DLX5: variants seen among roughly 807,000 people sequenced by gnomAD.
DLX5 encodes distal-less homeobox 5.
Under a neutral mutation model 27.1 loss-of-function variants are expected in DLX5, and 8 were observed. The ratio of observed to expected loss-of-function variants is 0.30; its 90% CI spans 0.17 to 0.53. The LOEUF is 0.53. DLX5 is among the 20% of genes least tolerant of loss of function. The pLI is 0.95. For synonymous variants in DLX5, 178 were observed against 161.9 expected (o/e 1.10, Z -0.75); for missense variants, 339 against 375.1 (o/e 0.90, Z 0.80).
chr7:97,020,818 G>A lies in DLX5; in HGVS notation c.788C>T (p.Ala263Val), dbSNP rs1389940522. Residue 263 changes from alanine (A) to valine (V), a missense_variant, in exon 3 of 3, where the codon GCA (alanine) becomes GTA (valine). Around this residue, in one of 3 missense-constraint regions of DLX5, gnomAD observed 136 missense variants for 130.3 expected, o/e 1.04. Coordinates refer to ENST00000648378, the MANE Select transcript of DLX5 (RefSeq NM_005221.6). ...LENSASWYTSAASSINSHLPP... is the reference protein window; with the variant it reads ...LENSASWYTSVASSINSHLPP... ...CAGGTGGGAATTGATTGAGCTGGCT[G>A]CACTTGTGTACCAGGATGCAGAGTT... The A allele has an allele frequency of 1.2e-6, 2 of 1,613,590 alleles. No homozygotes were observed. Among genetic ancestry groups the A allele is most frequent in the Non-Finnish European group, 8.5e-7 (1 of 1,179,728 alleles).
Position 97,020,690 on chromosome 7 carries a change from C to G in DLX5, c.*46G>C. The G allele has an allele frequency of 6.8e-7, 1 of 1,473,030 alleles. No homozygotes were observed. The highest frequency in any genetic ancestry group is 9.1e-7 in the Non-Finnish European group (1 of 1,104,022). 91.2% of individuals were successfully genotyped at this position (1,473,030 alleles called of 1,614,324 possible). On this transcript the variant is annotated 3_prime_UTR_variant, in exon 3 of 3. Coordinates refer to ENST00000648378, the MANE Select transcript of DLX5 (RefSeq NM_005221.6). ...CTTTCTTTATGATTTTCTAGAACAG[C>G]AAAACACAGTAGTCCCAAAAAAGAG...
intron 2 of DLX5, among the ~76,000 whole-genome samples, chr7:97,021,280 G>A (rs909279067): frequency 5.9e-5 from 9 of 152,192 alleles, no homozygotes; most frequent in Non-Finnish European, 1.0e-4. Context: ...GGGGCGCCCC[G>A]GCCCAGCGAG....
At position 97,021,162 on chromosome 7, in the gene DLX5, C is replaced by T. The variant is rs1790047914; in HGVS notation, c.541-97G>A. 1.2e-5 allele frequency: 14 copies of T among 1,171,018 alleles called. 1 individual carries two copies. In the South Asian group the frequency reaches 2.1e-4, roughly 17 times the overall value. 72.5% of individuals were successfully genotyped at this position (1,171,018 alleles called of 1,614,324 possible). On this transcript the variant is annotated intron_variant, in intron 2 of 2. Coordinates refer to ENST00000648378, the MANE Select transcript of DLX5 (RefSeq NM_005221.6). The stretch of plus-strand genomic sequence containing the variant: ...CTGGAGGCATCTTCGGACCTCTGGG[C>T]GGCCCAGCCCTGCCTGGCGTCTCCC...
At chr7:97,023,104 C>G (rs537065787) in intron 1 of DLX5, among the ~76,000 whole-genome samples, 1 of 151,528 alleles carries the variant, frequency 6.6e-6, no homozygotes, top group East Asian at 1.9e-4. Flanking sequence ...CACCTCAACC[C>G]GGGGCTCTCT....
Position 97,024,202 on chromosome 7 carries a change from A to AC in DLX5, c.355+66dup. ...GAACCGCTGTGACCCCCAATCTACCACCCCATCTCGCGCCCCCAGCGTCCT... is the reference window on the plus strand; with the variant it reads ...GAACCGCTGTGACCCCCAATCTACCACCCCCATCTCGCGCCCCCAGCGTCCT... On this transcript the variant is annotated intron_variant, in intron 1 of 2. Transcript: ENST00000648378. This position sits in a 1 kb window ranked among gnomAD's most constrained non-coding sequence, Gnocchi z 4.6. The AC allele has an allele frequency of 6.8e-7, 1 of 1,471,100 alleles. No homozygotes were observed. Among genetic ancestry groups the AC allele is most frequent in the Non-Finnish European group, 9.2e-7 (1 of 1,089,716 alleles). 91.1% of individuals were successfully genotyped at this position (1,471,100 alleles called of 1,614,324 possible).
rs1238609355 is a variant in DLX5 at position 97,020,787 on chromosome 7, C to A, written c.819G>T (p.Pro273=). 23 of 1,610,526 alleles carry A rather than the reference C, an allele frequency of 1.4e-5. No homozygotes were observed. The highest frequency in any genetic ancestry group is 1.8e-5 in the Non-Finnish European group (21 of 1,177,350). The change falls in exon 3 of 3, where the codon CCG becomes CCT. Residue 273 remains proline, a synonymous_variant. Coordinates refer to ENST00000648378, the MANE Select transcript of DLX5 (RefSeq NM_005221.6). Reference sequence around the variant, plus strand: ...CCAGCGGGTGCTGTAAGGAGCCCGGCGGCGGCAGGTGGGAATTGATTGAGC... The same window carrying A: ...CCAGCGGGTGCTGTAAGGAGCCCGGAGGCGGCAGGTGGGAATTGATTGAGC... ...AASSINSHLP[P]PGSLQHPLAL... is the part of the protein sequence containing the mutation.
At position 97,024,535 on chromosome 7, in the gene DLX5, G is replaced by C. The variant is rs1351019836; in HGVS notation, c.89C>G (p.Pro30Arg). ...GGGCAAAGTTGGCGATTCCTGAGAC[G>C]GATGGTGCATAGCTGCGGACGTCTG... ...PFQTSAAMHH[P>R]SQESPTLPES... Residue 30 changes from proline (P) to arginine (R), a missense_variant, in exon 1 of 3, where the codon CCG (proline) becomes CGG (arginine). Physicochemically the swap from Pro to Arg is moderately radical, Grantham distance 103. Transcript: ENST00000648378. The surrounding 1 kb of genome is among the most constrained non-coding windows in gnomAD (Gnocchi z 4.6). The C allele has an allele frequency of 6.2e-7, 1 of 1,614,112 alleles. No homozygotes were observed. Among genetic ancestry groups the C allele is most frequent in the Non-Finnish European group, 8.5e-7 (1 of 1,180,046 alleles).
At chr7:97,023,353 T>C (rs988407099) in intron 1 of DLX5, among the ~76,000 whole-genome samples, 3 of 151,490 alleles carry the variant, frequency 2.0e-5, no homozygotes, top group African/African-American at 7.3e-5. Flanking sequence ...TGTGTGTGTG[T>C]GTGTGTGTGT....
intron 2 of DLX5, 37 bp from the exon 3 acceptor site, chr7:97,021,102 C>T (rs1344399609): frequency 1.0e-5 from 16 of 1,554,972 alleles, no homozygotes; most frequent in Non-Finnish European, 1.4e-5. Flanking sequence ...TACCGGGACA[C>T]TCAGAGGTCG....
In DLX5 at chr7:97,021,899, C is replaced by A. The variant is rs979894980; in HGVS notation, c.540+286G>T. ...CTAGGCCGCCCTAGAAATAACCCTC[C>A]GCTTGCTTTCAACCCGCGAAATTGG... On this transcript the variant is annotated intron_variant, in intron 2 of 2. Transcript: ENST00000648378. 1.7e-5 allele frequency: 10 copies of A among 599,196 alleles called. No homozygotes were observed. The Admixed American group carries it at 2.7e-4, about 16-fold the overall frequency. 37.1% of individuals were successfully genotyped at this position (599,196 alleles called of 1,614,324 possible).
chr7:97,024,787 G>A lies in DLX5; in HGVS notation c.-164C>T, dbSNP rs987388979. On this transcript the variant is annotated 5_prime_UTR_variant, in exon 1 of 3. Transcript: ENST00000648378. The surrounding 1 kb of genome is among the most constrained non-coding windows in gnomAD (Gnocchi z 4.6). Reference sequence around the variant, plus strand: ...AGGAGGCGGCGGCCGCGGCGAGGAGGAGACTGGGAGTCGTGAAGTCTCTGT... The same window carrying A: ...AGGAGGCGGCGGCCGCGGCGAGGAGAAGACTGGGAGTCGTGAAGTCTCTGT... The A allele has an allele frequency of 5.8e-5, 36 of 625,032 alleles. No homozygotes were observed. In the South Asian group the frequency reaches 7.6e-4, roughly 13 times the overall value. The allele number at this position is 625,032 out of a possible 1,614,324, so 38.7% of individuals were successfully genotyped here. A position where few individuals can be genotyped will look rare whatever the true frequency, so the allele number is the denominator to read the frequency against.
At chr7:97,021,334 G>A (rs933960682) in intron 2 of DLX5, among the ~76,000 whole-genome samples, 4 of 152,210 alleles carry the variant, frequency 2.6e-5, no homozygotes, top group African/African-American at 9.6e-5. Flanking sequence ...TGGGGGTGGG[G>A]GACGCCAGCG....
chr7:97,020,693 AAC>A lies in DLX5; in HGVS notation c.*41_*42del, dbSNP rs765748732. ...TCTTTATGATTTTCTAGAACAGCAA[AAC>A]ACAGTAGTCCCAAAAAAGAGAGTAA... On this transcript the variant is annotated 3_prime_UTR_variant, in exon 3 of 3. Coordinates refer to ENST00000648378, the MANE Select transcript of DLX5 (RefSeq NM_005221.6). 5 of 1,483,120 alleles carry A rather than the reference AAC, an allele frequency of 3.4e-6. No individual in the cohort carries two copies. Among genetic ancestry groups the A allele is most frequent in the African/African-American group, 1.4e-5 (1 of 71,234 alleles). The allele number at this position is 1,483,120 out of a possible 1,614,324, so 91.9% of individuals were successfully genotyped here.
chr7:97,022,465 C>A, intron 1 of DLX5, 96 bp from the exon 2 acceptor site: 1 of 1,563,898 alleles, frequency 6.4e-7, no homozygotes, highest in Non-Finnish European at 8.6e-7. Context: ...TCTTACCACT[C>A]AGTCTTCATT....
In DLX5 at chr7:97,024,609, A is replaced by G. The variant is rs1790144515; in HGVS notation, c.15T>C (p.Phe5=). Residue 5 remains phenylalanine (F), a synonymous_variant, in exon 1 of 3, where the codon TTT becomes TTC. Transcript: ENST00000648378. The surrounding 1 kb of genome is among the most constrained non-coding windows in gnomAD (Gnocchi z 4.6). The part of the protein sequence containing the change: MTGV[F]DRRVPSIRSG... ...ATCGGATGCTGGGGACCCTTCTGTC[A>G]AACACTCCTGTCATCGCTCACGGGC... The G allele has an allele frequency of 6.2e-7, 1 of 1,600,146 alleles. No homozygotes were observed. Among genetic ancestry groups the G allele is most frequent in the African/African-American group, 1.3e-5 (1 of 74,666 alleles).
intron 2 of DLX5, among the ~76,000 whole-genome samples, chr7:97,021,615 C>T (rs1319672051): frequency 1.3e-5 from 2 of 152,168 alleles, no homozygotes; most frequent in Non-Finnish European, 2.9e-5. Context: ...TCCGTAGGCC[C>T]CAGCTGGGTT....
Position 97,024,772 on chromosome 7 carries a change from G to C in DLX5, c.-149C>G, listed in dbSNP as rs1790148511. The C allele has an allele frequency of 1.4e-6, 1 of 697,072 alleles. No individual in the cohort carries two copies. Among genetic ancestry groups the C allele is most frequent in the Non-Finnish European group, 2.3e-6 (1 of 426,290 alleles). 43.2% of individuals were successfully genotyped at this position (697,072 alleles called of 1,614,324 possible). ...GAGGAGGAGAGAAGGAGGAGGCGGC[G>C]GCCGCGGCGAGGAGGAGACTGGGAG... On this transcript the variant is annotated 5_prime_UTR_variant, in exon 1 of 3. Coordinates refer to ENST00000648378, the MANE Select transcript of DLX5 (RefSeq NM_005221.6). This position sits in a 1 kb window ranked among gnomAD's most constrained non-coding sequence, Gnocchi z 4.6.
In DLX5 at chr7:97,022,215, C is replaced by T. The variant is rs1327634647; in HGVS notation, c.510G>A (p.Leu170=). 6.2e-7 allele frequency: 1 copy of T among 1,614,242 alleles called. No individual in the cohort carries two copies. Among genetic ancestry groups the T allele is most frequent in the Non-Finnish European group, 8.5e-7 (1 of 1,180,056 alleles). ...TTTGTGTCAATCCCAGCGAGGCGGCCAGCTCGGCGCGTTCCGGCAAGGCGA... is the reference window on the plus strand; with the variant it reads ...TTTGTGTCAATCCCAGCGAGGCGGCTAGCTCGGCGCGTTCCGGCAAGGCGA... ...QYLALPERAE[L]AASLGLTQTQ... is the part of the protein sequence containing the mutation. Residue 170 remains leucine, a synonymous_variant, in exon 2 of 3, where the codon CTG becomes CTA. Transcript: ENST00000648378.
chr7:97,023,509 G>C (rs888914722), intron 1 of DLX5, among the ~76,000 whole-genome samples: 5 of 151,938 alleles, frequency 3.3e-5, no homozygotes, highest in African/African-American at 1.2e-4. Context: ...CCTCTCCGCC[G>C]AGCCTCATGC....
Sources: gnomAD v4.1 joint callset for allele counts (sites outside exome capture counted in the v4.1 genomes callset) on GRCh38, gnomAD v4.1.1 for gene constraint, gnomAD v4.1.1 regional missense constraint, Gnocchi (gnomAD v3.1) non-coding constraint, MANE v1.5 for transcripts, NCBI Gene and HGNC (gene_info 2026-07-23, HGNC 2026-07-21) for gene names.